COL26A1: variants seen among roughly 807,000 people sequenced by gnomAD.
COL26A1 encodes collagen alpha-1(XXVI) chain.
In COL26A1, 41 loss-of-function variants were observed where a neutral mutation model predicts 59.3. The ratio of observed to expected loss-of-function variants is 0.69; its 90% CI spans 0.54 to 0.90. The LOEUF is 0.90. Among genes scored for constraint, COL26A1 ranks in the 40% least tolerant of loss-of-function variants. The probability of loss-of-function intolerance (pLI) is 0.00; values close to 1 mark genes in which losing one functional copy is unlikely to be tolerated. For missense variants in COL26A1, 612 were observed against 602.3 expected, an observed-to-expected ratio of 1.02 and a Z score of -0.17; for synonymous variants, 266 against 256.0, an observed-to-expected ratio of 1.04 and a Z score of -0.37.
At chr7:101,363,229 AGGGAGCGGACAGCG>A in intron 1 of COL26A1, 39 bp downstream of exon 1, 1 of 552,736 alleles carries the variant, frequency 1.8e-6, no homozygotes, top group Non-Finnish European at 2.5e-6. Flanking sequence ...GGGTGGGGGG[AGGGAGCGGACAGCG>A]GGGGCCCTGG....
At chr7:101,428,926 CTT>C (rs530948608) in intron 2 of COL26A1, among the ~76,000 whole-genome samples, 2 of 142,732 alleles carry the variant, frequency 1.4e-5, no homozygotes, top group Admixed American at 7.1e-5. Flanking sequence ...TTCTTTCTTT[CTT>C]TTTTTTTTTT....
chr7:101,511,111 C>T (rs1004490315), intron 3 of COL26A1, among the ~76,000 whole-genome samples: 2 of 151,550 alleles, frequency 1.3e-5, no homozygotes, highest in African/African-American at 4.9e-5. Flanking sequence ...ACCATGTTAG[C>T]CAGGATGGTC....
At chr7:101,539,846 T>G (rs951449724) in intron 4 of COL26A1, 47 bp from the exon 5 acceptor site, 2 of 1,578,994 alleles carry the variant, frequency 1.3e-6, no homozygotes, top group African/African-American at 2.7e-5. Flanking sequence ...CATGTCCCTA[T>G]GTGTCAGGCC....
intron 3 of COL26A1, among the ~76,000 whole-genome samples, chr7:101,470,017 A>G (rs1260907314): frequency 6.6e-6 from 1 of 152,106 alleles, no homozygotes; most frequent in East Asian, 1.9e-4. Context: ...AATGATGGTC[A>G]GTGCAGAAGT....
At chr7:101,527,453 G>C (rs937885509) in intron 3 of COL26A1, among the ~76,000 whole-genome samples, 6 of 151,680 alleles carry the variant, frequency 4.0e-5, no homozygotes, top group African/African-American at 1.5e-4. Flanking sequence ...TCAGCCTCCC[G>C]AGTAGCTTGG....
intron 3 of COL26A1, among the ~76,000 whole-genome samples, chr7:101,499,489 G>T (rs1794655712): frequency 6.6e-6 from 1 of 152,158 alleles, no homozygotes; most frequent in Non-Finnish European, 1.5e-5. Context: ...TTCGAGACCA[G>T]CCTGGCCAAC....
intron 1 of COL26A1, among the ~76,000 whole-genome samples, chr7:101,377,048 A>G (rs10251800): frequency 0.061 from 9,291 of 152,084 alleles, 642 homozygotes; most frequent in African/African-American, 0.16. Context: ...TAGTAGAGAT[A>G]GAGTTTTACC....
rs1794400650 is a variant in COL26A1 at position 101,489,838 on chromosome 7, CTTTCTTTCTTTCTTTCTTTCTT to C, written c.385+42053_385+42074del. On this transcript the variant is annotated intron_variant, in intron 3 of 12. Coordinates refer to ENST00000313669, the MANE Select transcript of COL26A1 (RefSeq NM_001278563.3). ...TCTTTCTTTCTTTCTTTCTTTCTTT[CTTTCTTTCTTTCTTTCTTTCTT>C]TCTTTCTTTCTTTCTTTCTTTCTTT... Among the ~76,000 whole-genome samples the C allele has an allele frequency of 6.1e-4, 11 of 18,046 alleles. 2 individuals are homozygous for C. The highest frequency in any genetic ancestry group is 4.0e-3 in the African/African-American group (10 of 2,478). 11.8% of individuals were successfully genotyped at this position (18,046 alleles called of 152,430 possible). A position where few individuals can be genotyped will look rare whatever the true frequency, so the allele number is the denominator to read the frequency against.
intron 3 of COL26A1, among the ~76,000 whole-genome samples, chr7:101,494,633 C>A (rs1378902419): frequency 6.6e-6 from 1 of 152,236 alleles, no homozygotes; most frequent in Non-Finnish European, 1.5e-5. Context: ...CATTTCCAGC[C>A]AGGTTTGCAC....
At position 101,392,280 on chromosome 7, in the gene COL26A1, G is replaced by T. The variant is rs534415053; in HGVS notation, c.159-27697G>T. Among the ~76,000 whole-genome samples, 155 of 152,182 alleles carry T rather than the reference G, an allele frequency of 1.0e-3. 2 individuals are homozygous for T. Among genetic ancestry groups the T allele is most frequent in the South Asian group, 6.2e-3 (30 of 4,818 alleles). On this transcript the variant is annotated intron_variant, in intron 1 of 12. Transcript: ENST00000313669. The stretch of plus-strand genomic sequence containing the variant: ...ATGAGGGCCATGAGTCTGGCCTGTT[G>T]GGGCAGTGTGCATCTACCTCCTGCC...
rs1473835506 is a variant in COL26A1 at position 101,558,516 on chromosome 7, A to C, written c.*986A>C. The stretch of plus-strand genomic sequence containing the variant: ...TATAGGTTTGCTACTTTTGCATGAC[A>C]CAGCAAGCCCAGTGTCCCCTTTGCA... On this transcript the variant is annotated 3_prime_UTR_variant, in exon 13 of 13. Coordinates refer to ENST00000313669, the MANE Select transcript of COL26A1 (RefSeq NM_001278563.3). 6.6e-6 allele frequency: 1 copy of C among 152,182 alleles called. No homozygotes were observed. 9.4% of individuals were successfully genotyped at this position (152,182 alleles called of 1,614,324 possible).
At chr7:101,417,474 C>G (rs907405122) in intron 1 of COL26A1, among the ~76,000 whole-genome samples, 29 of 147,914 alleles carry the variant, frequency 2.0e-4, no homozygotes, top group African/African-American at 7.2e-4. Flanking sequence ...TACCTTAGGA[C>G]AGGTGAATCC....
chr7:101,488,625 C>T (rs1015887166), intron 3 of COL26A1, among the ~76,000 whole-genome samples: 5 of 151,984 alleles, frequency 3.3e-5, no homozygotes, highest in African/African-American at 1.2e-4. Context: ...ATCCTCCCTC[C>T]TCGGCCTCCC....
In COL26A1 at chr7:101,555,847, C is replaced by G. The variant is rs1795963330; in HGVS notation, c.1141C>G (p.Leu381Val). The G allele has an allele frequency of 1.9e-6, 3 of 1,611,266 alleles. No individual in the cohort carries two copies. The highest frequency in any genetic ancestry group is 2.5e-6 in the Non-Finnish European group (3 of 1,179,092). The change falls in exon 12 of 13, where the codon CTG becomes GTG. Residue 381 changes from leucine (L) to valine (V), a missense_variant. Physicochemically the swap from Leu to Val is conservative, Grantham distance 32 (BLOSUM62 1). Transcript: ENST00000313669. The part of the protein sequence containing the change: ...LKILAERVLI[L>V]EHMIGIHDPL... ...GATCCTGGCAGAGCGAGTCCTCATC[C>G]TGGAGCACATGATTGGGATCCACGG...
intron 8 of COL26A1, 86 bp downstream of exon 8, chr7:101,547,325 G>A (rs976633164): frequency 3.3e-6 from 3 of 895,720 alleles, no homozygotes; most frequent in African/African-American, 3.4e-5. Flanking sequence ...GGAGCTGGAG[G>A]TCGGCTGGCG....
chr7:101,504,649 C>G (rs1794769031), intron 3 of COL26A1, among the ~76,000 whole-genome samples: 1 of 152,214 alleles, frequency 6.6e-6, no homozygotes, highest in Non-Finnish European at 1.5e-5. Context: ...TGGTCCTTCT[C>G]CAGGGCACCC....
At chr7:101,524,117 A>C (rs1302851924) in intron 3 of COL26A1, among the ~76,000 whole-genome samples, 2 of 151,918 alleles carry the variant, frequency 1.3e-5, no homozygotes, top group Non-Finnish European at 2.9e-5. Flanking sequence ...TAAAAATACA[A>C]AAAATTAGCC....
intron 5 of COL26A1, among the ~76,000 whole-genome samples, chr7:101,541,856 A>G (rs1212967242): frequency 6.6e-6 from 1 of 152,226 alleles, no homozygotes; most frequent in Non-Finnish European, 1.5e-5. Context: ...ACACCTGTCT[A>G]TAAGGCTGAA....
rs1375251180 is a variant in COL26A1, at chr7:101,551,143, CGTAAGTGT to C, written c.1029+2_1029+9del. 5.8e-6 allele frequency: 9 copies of C among 1,544,584 alleles called. No individual in the cohort carries two copies. In the Admixed American group the frequency reaches 5.9e-5, roughly 10 times the overall value. ...GAGAGCGAGGCACAGTGGGGCCGTC[CGTAAGTGT>C]GGGCTGTGCAGATGGGCCTGGGCCA... On this transcript the variant is annotated splice_donor_variant and splice_donor_5th_base_variant and intron_variant, in intron 10 of 12. Coordinates refer to ENST00000313669, the MANE Select transcript of COL26A1 (RefSeq NM_001278563.3). LOFTEE classifies it high-confidence loss of function.
Sources: gnomAD v4.1 joint callset for allele counts (sites outside exome capture counted in the v4.1 genomes callset) on GRCh38, gnomAD v4.1.1 for gene constraint, MANE v1.5 for transcripts, NCBI Gene and HGNC (gene_info 2026-07-23, HGNC 2026-07-21) for gene names.